Variants in HDX observed in about 807,000 individuals in gnomAD.
HDX encodes highly divergent homeobox.
Under a neutral mutation model 45.2 loss-of-function variants are expected in HDX, and 19 were observed. The observed-to-expected ratio is 0.42, with a 90% CI of 0.29 to 0.62. HDX has a LOEUF of 0.62. Among genes scored for constraint, HDX ranks in the 20% least tolerant of loss-of-function variants. The probability of loss-of-function intolerance (pLI) is 0.20; values close to 1 mark genes in which losing one functional copy is unlikely to be tolerated. For missense variants in HDX, 532 were observed against 493.9 expected (o/e 1.08, Z -0.73); for synonymous variants, 188 against 172.8 (o/e 1.09, Z -0.69).
intron 3 of HDX, among the ~76,000 whole-genome samples, chrX:84,473,429 G>A (rs371023889): frequency 9.1e-6 from 1 of 109,699 alleles, no homozygotes. Flanking sequence ...TCAAATATGT[G>A]TTGGGATTTA....
intron 6 of HDX, among the ~76,000 whole-genome samples, chrX:84,359,063 T>G (rs1224886421): frequency 9.0e-6 from 1 of 111,519 alleles, no homozygotes; most frequent in Non-Finnish European, 1.9e-5. Context: ...TAAGGCTTTT[T>G]TTTTCCTTAA....
intron 5 of HDX, among the ~76,000 whole-genome samples, chrX:84,423,721 G>A (rs1380122380): frequency 4.5e-5 from 5 of 111,554 alleles, no homozygotes; most frequent in South Asian, 3.7e-4. Flanking sequence ...CTTTATGATC[G>A]TTTCAGTTGA....
intron 5 of HDX, among the ~76,000 whole-genome samples, chrX:84,375,419 C>T (rs1448240904): frequency 8.1e-5 from 9 of 111,300 alleles, no homozygotes; most frequent in Non-Finnish European, 1.3e-4. Context: ...GATTATAAAT[C>T]ATGCTGCTAT....
At chrX:84,469,869 G>A (rs914720041) in intron 3 of HDX, among the ~76,000 whole-genome samples, 1 of 111,439 alleles carries the variant, frequency 9.0e-6, no homozygotes, top group Non-Finnish European at 1.9e-5. Context: ...TATACACTTT[G>A]ACATAGTAAA....
intron 6 of HDX, among the ~76,000 whole-genome samples, chrX:84,357,739 T>C (rs904632262): frequency 6.2e-5 from 7 of 112,499 alleles, no homozygotes; most frequent in African/African-American, 1.9e-4. Context: ...TGTCCTCACC[T>C]TCCAGAATAA....
intron 5 of HDX, among the ~76,000 whole-genome samples, chrX:84,413,025 C>T (rs774373225): frequency 9.0e-6 from 1 of 111,543 alleles, no homozygotes; most frequent in Non-Finnish European, 1.9e-5. Context: ...TTAAAATGGT[C>T]ATTTTGTCTT....
intron 5 of HDX, among the ~76,000 whole-genome samples, chrX:84,434,317 T>G (rs1251977623): frequency 9.0e-6 from 1 of 111,456 alleles, no homozygotes; most frequent in African/African-American, 3.3e-5. Context: ...AGGCTGTGAA[T>G]TTTTCATATA....
chrX:84,453,352 C>T (rs1002531424), intron 4 of HDX, among the ~76,000 whole-genome samples: 4 of 111,448 alleles, frequency 3.6e-5, no homozygotes, highest in African/African-American at 1.3e-4. Context: ...ATAGCTGACA[C>T]CATACCTCCC....
At chrX:84,351,341 T>C (rs1400011321) in intron 6 of HDX, among the ~76,000 whole-genome samples, 1 of 110,988 alleles carries the variant, frequency 9.0e-6, no homozygotes, top group Admixed American at 9.6e-5. Context: ...CACCATCCCA[T>C]CAGTGAGTGT....
At chrX:84,352,839 C>A (rs1460930492) in intron 6 of HDX, among the ~76,000 whole-genome samples, 1 of 111,369 alleles carries the variant, frequency 9.0e-6, no homozygotes, top group African/African-American at 3.3e-5. Flanking sequence ...ATTGTAAATG[C>A]AGAAGCTTTT....
chrX:84,344,414 A>G lies in HDX; in HGVS notation c.1496T>C (p.Ile499Thr), dbSNP rs1222073590. ...GCCTCCTCTTGGAGGTGGAACTTCA[A>G]TCCCCATTAAACGATATTTCCTTCT... The part of the protein sequence containing the change: ...NRRRKYRLMG[I>T]EVPPPRGGPA... The change falls in exon 7 of 11, where the codon ATT becomes ACT. Residue 499 changes from isoleucine (I) to threonine (T), a missense_variant. By Grantham distance (89) the Ile-to-Thr change is moderately conservative. Around this residue, in one of 3 missense-constraint regions of HDX, gnomAD observed 151 missense variants for 131.8 expected, o/e 1.15. Coordinates refer to ENST00000373177, the MANE Select transcript of HDX (RefSeq NM_001177479.2). 1 of 1,204,080 alleles carries G rather than the reference A, an allele frequency of 8.3e-7. No individual in the cohort carries two copies. Among genetic ancestry groups the G allele is most frequent in the Non-Finnish European group, 1.1e-6 (1 of 890,647 alleles).
chrX:84,409,580 G>T (rs1397594584), intron 5 of HDX, among the ~76,000 whole-genome samples: 1 of 106,147 alleles, frequency 9.4e-6, no homozygotes, highest in East Asian at 3.0e-4. Flanking sequence ...GTAGGGACAT[G>T]GATGAAACTG....
intron 2 of HDX, among the ~76,000 whole-genome samples, chrX:84,483,334 C>T (rs1310686304): frequency 8.9e-6 from 1 of 112,440 alleles, no homozygotes; most frequent in African/African-American, 3.2e-5. Context: ...TCTGCAGGGA[C>T]ATCCAGACAT....
intron 5 of HDX, among the ~76,000 whole-genome samples, chrX:84,437,662 C>G (rs563783335): frequency 9.0e-6 from 1 of 110,735 alleles, no homozygotes; most frequent in Non-Finnish European, 1.9e-5. Context: ...GAGATACCTA[C>G]CCCCATTGGT....
chrX:84,497,434 A>G (rs1222692902), intron 1 of HDX, among the ~76,000 whole-genome samples: 1 of 111,708 alleles, frequency 9.0e-6, no homozygotes, highest in Admixed American at 9.6e-5. Context: ...ATAATAATAT[A>G]ATCTATGTTT....
At position 84,321,593 on chromosome X, in the gene HDX, T is replaced by C; in HGVS notation, c.*296A>G. 7.1e-6 allele frequency: 1 copy of C among 141,058 alleles called. No individual in the cohort carries two copies. The highest frequency in any genetic ancestry group is 1.4e-5 in the Non-Finnish European group (1 of 71,688). The allele number at this position is 141,058 out of a possible 1,213,427, so 11.6% of individuals were successfully genotyped here. A position where few individuals can be genotyped will look rare whatever the true frequency, so the allele number is the denominator to read the frequency against. On this transcript the variant is annotated 3_prime_UTR_variant, in exon 11 of 11. Coordinates refer to ENST00000373177, the MANE Select transcript of HDX (RefSeq NM_001177479.2). ...CTGAAATGTCTTTAGTTATTTTGTCTCTGGTTAGAAATTAGACATAATGAA... is the reference window on the plus strand; with the variant it reads ...CTGAAATGTCTTTAGTTATTTTGTCCCTGGTTAGAAATTAGACATAATGAA...
chrX:84,348,715 A>G (rs886618411), intron 6 of HDX, among the ~76,000 whole-genome samples: 4 of 111,114 alleles, frequency 3.6e-5, no homozygotes, highest in African/African-American at 1.3e-4. Flanking sequence ...GTGGCCTGTG[A>G]ACTTTTGAAG....
intron 1 of HDX, among the ~76,000 whole-genome samples, chrX:84,497,413 AG>A (rs974401326): frequency 8.9e-6 from 1 of 111,759 alleles, no homozygotes; most frequent in Non-Finnish European, 1.9e-5. Context: ...TTAGTGTATT[AG>A]AAAAGTTATA....
At chrX:84,500,694 C>T (rs2148221468) in intron 1 of HDX, among the ~76,000 whole-genome samples, 1 of 110,906 alleles carries the variant, frequency 9.0e-6, no homozygotes, top group Admixed American at 9.6e-5. Flanking sequence ...GTGGAGGGGA[C>T]AGTAATGGTA....
Sources: gnomAD v4.1 joint callset for allele counts (sites outside exome capture counted in the v4.1 genomes callset) on GRCh38, gnomAD v4.1.1 for gene constraint, gnomAD v4.1.1 regional missense constraint, MANE v1.5 for transcripts, NCBI Gene and HGNC (gene_info 2026-07-23, HGNC 2026-07-21) for gene names.